The following SYNDIG1 variants were observed in gnomAD, a reference collection of about 807,000 sequenced individuals.
SYNDIG1 encodes synapse differentiation inducing 1.
Under a neutral mutation model 19.4 loss-of-function variants are expected in SYNDIG1, and 9 were observed. That is an observed-to-expected ratio of 0.46 (90% CI 0.28 to 0.81). The LOEUF is 0.81. Among genes scored for constraint, SYNDIG1 ranks in the 30% least tolerant of loss-of-function variants. SYNDIG1 has a pLI of 0.12. For missense variants in SYNDIG1, 311 were observed against 343.3 expected (o/e 0.91, Z 0.74); for synonymous variants, 141 against 145.9 (o/e 0.97, Z 0.24).
In SYNDIG1 at chr20:24,658,430, T is replaced by C. The variant is rs748696399; in HGVS notation, c.619-6916T>C. 3.9e-5 allele frequency among the ~76,000 whole-genome samples: 6 copies of C among 151,964 alleles called. No homozygotes were observed. On this transcript the variant is annotated intron_variant, in intron 3 of 3. Coordinates refer to ENST00000376862, the MANE Select transcript of SYNDIG1 (RefSeq NM_024893.3). This position sits in a 1 kb window ranked among gnomAD's most constrained non-coding sequence, Gnocchi z 4.4. The stretch of plus-strand genomic sequence containing the variant: ...CCCGTGACAGATTCCACACAGGAGC[T>C]GCAGGCCGTGGACCCCTGAAGTGGA...
chr20:24,563,841 G>A (rs894259610), intron 2 of SYNDIG1, among the ~76,000 whole-genome samples: 2 of 152,178 alleles, frequency 1.3e-5, no homozygotes, highest in African/African-American at 4.8e-5. Context: ...GGACTCAAGT[G>A]ATCTGTCTGT....
At chr20:24,571,868 T>C (rs1293288825) in intron 2 of SYNDIG1, among the ~76,000 whole-genome samples, 2 of 152,220 alleles carry the variant, frequency 1.3e-5, no homozygotes, top group Admixed American at 6.5e-5. Context: ...AGCCTGAAAC[T>C]TACATTTGTT....
intron 3 of SYNDIG1, among the ~76,000 whole-genome samples, chr20:24,633,718 G>C (rs1443613139): frequency 6.6e-6 from 1 of 152,148 alleles, no homozygotes; most frequent in Non-Finnish European, 1.5e-5. Flanking sequence ...CTGGGGACGG[G>C]GCTGGCAGTC....
chr20:24,532,708 C>T (rs1027804584), intron 1 of SYNDIG1, among the ~76,000 whole-genome samples: 18 of 152,196 alleles, frequency 1.2e-4, no homozygotes, highest in African/African-American at 4.1e-4. Flanking sequence ...GCCTTTCAGC[C>T]GTGAGCATCC....
chr20:24,560,230 G>A (rs2057914264), intron 2 of SYNDIG1, among the ~76,000 whole-genome samples: 1 of 151,028 alleles, frequency 6.6e-6, no homozygotes, highest in South Asian at 2.1e-4. Context: ...CACCATGCAC[G>A]GCTAATTTTT....
chr20:24,613,959 G>A (rs1405549593), intron 3 of SYNDIG1, among the ~76,000 whole-genome samples: 1 of 152,198 alleles, frequency 6.6e-6, no homozygotes, highest in African/African-American at 2.4e-5. Context: ...AGACCATGGA[G>A]AGCACTCTGA....
In SYNDIG1 at chr20:24,652,254, C is replaced by G. The variant is rs146696843; in HGVS notation, c.619-13092C>G. ...AAGCATTAACAAGCTGAGGCTCCCC[C>G]CAGCAAGTGAGATGCAAGGTGAGGC... On this transcript the variant is annotated intron_variant, in intron 3 of 3. Transcript: ENST00000376862. Among the ~76,000 whole-genome samples the G allele has an allele frequency of 2.5e-4, 38 of 152,330 alleles. No homozygotes were observed. In the East Asian group the frequency reaches 2.5e-3, roughly 10 times the overall value.
At chr20:24,552,163 A>T (rs1007072715) in intron 2 of SYNDIG1, among the ~76,000 whole-genome samples, 1 of 152,154 alleles carries the variant, frequency 6.6e-6, no homozygotes, top group Non-Finnish European at 1.5e-5. Flanking sequence ...GTGTACATTT[A>T]TAATTGTTAT....
At chr20:24,533,549 A>G (rs1045225437) in intron 1 of SYNDIG1, among the ~76,000 whole-genome samples, 25 of 151,744 alleles carry the variant, frequency 1.6e-4, no homozygotes, top group African/African-American at 4.6e-4. Context: ...TTGGGAGAGG[A>G]GGGGATCCCG....
intron 3 of SYNDIG1, among the ~76,000 whole-genome samples, chr20:24,593,897 A>G (rs1042414577): frequency 6.6e-6 from 1 of 151,860 alleles, no homozygotes; most frequent in Non-Finnish European, 1.5e-5. Context: ...CTTGCTTGTT[A>G]ATTTGTTTAA....
At chr20:24,540,604 G>A (rs1413839735) in intron 1 of SYNDIG1, among the ~76,000 whole-genome samples, 1 of 152,138 alleles carries the variant, frequency 6.6e-6, no homozygotes, top group Non-Finnish European at 1.5e-5. Context: ...TGCTTTTCCA[G>A]AAATGCTTAG....
At position 24,551,414 on chromosome 20, in the gene SYNDIG1, T is replaced by G. The variant is rs1348409267; in HGVS notation, c.480+7837T>G. On this transcript the variant is annotated intron_variant, in intron 2 of 3. Transcript: ENST00000376862. Reference sequence around the variant, plus strand: ...GTCTAGATAGAAATTGATCATTTTTTGGATCTTTTCAAATAGCTGACTTCT... The same window carrying G: ...GTCTAGATAGAAATTGATCATTTTTGGGATCTTTTCAAATAGCTGACTTCT... Among the ~76,000 whole-genome samples the G allele has an allele frequency of 3.3e-5, 5 of 152,210 alleles. No homozygotes were observed. The East Asian group carries it at 9.6e-4, about 29-fold the overall frequency.
intron 3 of SYNDIG1, among the ~76,000 whole-genome samples, chr20:24,612,441 C>T (rs769791103): frequency 1.3e-5 from 2 of 152,142 alleles, no homozygotes; most frequent in Non-Finnish European, 2.9e-5. Context: ...GAGAAGAAAG[C>T]AGTCTGCACT....
intron 3 of SYNDIG1, among the ~76,000 whole-genome samples, chr20:24,663,152 C>T (rs2059618440): frequency 6.6e-6 from 1 of 152,208 alleles, no homozygotes; most frequent in Admixed American, 6.5e-5. Flanking sequence ...ACTGCAGAAA[C>T]TCTGGCTTCT....
At chr20:24,621,516 A>AC (rs899568181) in intron 3 of SYNDIG1, among the ~76,000 whole-genome samples, 1 of 152,164 alleles carries the variant, frequency 6.6e-6, no homozygotes, top group African/African-American at 2.4e-5. Context: ...TTGGTCCCAA[A>AC]CCCATGTGCT....
chr20:24,628,682 C>G (rs1025573560), intron 3 of SYNDIG1, among the ~76,000 whole-genome samples: 1 of 152,224 alleles, frequency 6.6e-6, no homozygotes, highest in East Asian at 1.9e-4. Context: ...CCAGCAGAAC[C>G]CTTGGGGAGG....
intron 1 of SYNDIG1, among the ~76,000 whole-genome samples, chr20:24,499,569 G>A (rs933562882): frequency 9.8e-5 from 15 of 152,294 alleles, no homozygotes; most frequent in Middle Eastern, 6.8e-3. Flanking sequence ...ACCAACATGC[G>A]CCAACCTTTG....
intron 3 of SYNDIG1, among the ~76,000 whole-genome samples, chr20:24,590,485 G>C (rs936152404): frequency 1.3e-5 from 2 of 152,170 alleles, no homozygotes; most frequent in East Asian, 1.9e-4. Context: ...CAGGGCGGAG[G>C]GGGAGGCGCA....
At chr20:24,538,545 T>A (rs948084140) in intron 1 of SYNDIG1, among the ~76,000 whole-genome samples, 3 of 152,196 alleles carry the variant, frequency 2.0e-5, no homozygotes, top group Non-Finnish European at 2.9e-5. Context: ...CTATTATGAA[T>A]AGTGCTGCTA....
Sources: allele counts gnomAD v4.1 joint callset (sites outside exome capture counted in the v4.1 genomes callset), GRCh38; gene constraint gnomAD v4.1.1; non-coding constraint Gnocchi (gnomAD v3.1); transcripts MANE v1.5; gene names NCBI Gene and HGNC (gene_info 2026-07-23, HGNC 2026-07-21).